SLC8A1: variants seen among roughly 807,000 people sequenced by gnomAD.
SLC8A1 encodes solute carrier family 8 member A1, also known as sodium/calcium exchanger 1.
SLC8A1 carries 18 observed loss-of-function variants against 68.3 expected under a neutral mutation model. The ratio of observed to expected loss-of-function variants is 0.26; its 90% CI spans 0.18 to 0.39. SLC8A1 has a LOEUF of 0.39. Among genes scored for constraint, SLC8A1 ranks in the 10% least tolerant of loss-of-function variants. SLC8A1 has a pLI of 1.00. For synonymous variants in SLC8A1, 475 were observed against 415.5 expected, an observed-to-expected ratio of 1.14 and a Z score of -1.74; for missense variants, 985 against 1,156.7, an observed-to-expected ratio of 0.85 and a Z score of 2.15.
At position 40,421,954 on chromosome 2, in the gene SLC8A1, T is replaced by G. The variant is rs186117610; in HGVS notation, c.1808+6519A>C. Among the ~76,000 whole-genome samples the G allele has an allele frequency of 2.6e-3, 395 of 152,266 alleles. 2 individuals are homozygous for G. Among genetic ancestry groups the G allele is most frequent in the Non-Finnish European group, 4.8e-3 (326 of 68,026 alleles). On this transcript the variant is annotated intron_variant, in intron 2 of 7. Coordinates refer to ENST00000406785, the Ensembl canonical transcript of SLC8A1. ...CCTCTAATGCTTCCCATATTGTTAATTGCTGCTTTCCCTCCCAGGGCCTTC... is the reference window on the plus strand; with the variant it reads ...CCTCTAATGCTTCCCATATTGTTAAGTGCTGCTTTCCCTCCCAGGGCCTTC...
At chr2:40,107,392 G>T (rs1265155222) in exon 8 of SLC8A1, 2 of 151,526 alleles carry the variant, frequency 1.3e-5, no homozygotes, top group African/African-American at 4.9e-5. Flanking sequence ...TAATTCCCCA[G>T]GGTTCGACCT....
intron 2 of SLC8A1, among the ~76,000 whole-genome samples, chr2:40,428,196 C>G (rs912829463): frequency 6.6e-6 from 1 of 151,994 alleles, no homozygotes; most frequent in African/African-American, 2.4e-5. Flanking sequence ...TCCCATCACT[C>G]ATTTTATCAT....
intron 2 of SLC8A1, among the ~76,000 whole-genome samples, chr2:40,378,048 C>G (rs1263236287): frequency 6.6e-6 from 1 of 152,046 alleles, no homozygotes; most frequent in Non-Finnish European, 1.5e-5. Flanking sequence ...TATTAATAAC[C>G]TGCTGTATGC....
chr2:40,287,582 A>ATGTGTG (rs10522914), intron 2 of SLC8A1, among the ~76,000 whole-genome samples: 4,770 of 127,506 alleles, frequency 0.037, 171 homozygotes, highest in South Asian at 0.061. Context: ...CAGAGGAATG[A>ATGTGTG]TGTGTGTGTG....
At chr2:40,199,009 T>C (rs1383175924) in intron 2 of SLC8A1, among the ~76,000 whole-genome samples, 1 of 151,740 alleles carries the variant, frequency 6.6e-6, no homozygotes, top group Non-Finnish European at 1.5e-5. Context: ...TGTAAGCTTC[T>C]TGATGGAAGG....
intron 1 of SLC8A1, among the ~76,000 whole-genome samples, chr2:40,508,976 T>G (rs1456958296): frequency 6.6e-6 from 1 of 152,090 alleles, no homozygotes; most frequent in African/African-American, 2.4e-5. Context: ...GCAATCAGAG[T>G]TGATAACCAC....
At chr2:40,175,674 C>A (rs1016818152) in intron 3 of SLC8A1, among the ~76,000 whole-genome samples, 1 of 152,096 alleles carries the variant, frequency 6.6e-6, no homozygotes, top group South Asian at 2.1e-4. Flanking sequence ...GAGGCTTCCT[C>A]ATTAAATATT....
At chr2:40,381,644 T>C (rs1681836082) in intron 2 of SLC8A1, among the ~76,000 whole-genome samples, 1 of 151,992 alleles carries the variant, frequency 6.6e-6, no homozygotes, top group Admixed American at 6.6e-5. Flanking sequence ...ATAGAACAGA[T>C]GTTTATGGTT....
At chr2:40,280,593 T>A (rs2067367013) in intron 2 of SLC8A1, among the ~76,000 whole-genome samples, 1 of 152,220 alleles carries the variant, frequency 6.6e-6, no homozygotes, top group Non-Finnish European at 1.5e-5. Flanking sequence ...CAGAGTGACA[T>A]TCAGGCACTG....
intron 2 of SLC8A1, among the ~76,000 whole-genome samples, chr2:40,284,050 T>C (rs932724820): frequency 2.0e-5 from 3 of 152,154 alleles, no homozygotes; most frequent in Admixed American, 6.5e-5. Context: ...TCTGCAAATA[T>C]AGCTCAGACC....
intron 2 of SLC8A1, among the ~76,000 whole-genome samples, chr2:40,341,689 C>G (rs1288996622): frequency 1.3e-5 from 2 of 152,126 alleles, no homozygotes; most frequent in Non-Finnish European, 2.9e-5. Context: ...CTTCTCAAGG[C>G]TGTTTTCAAG....
chr2:40,322,265 CT>C (rs1453242641), intron 2 of SLC8A1, among the ~76,000 whole-genome samples: 1 of 152,066 alleles, frequency 6.6e-6, no homozygotes, highest in South Asian at 2.1e-4. Context: ...ATTAACCTTT[CT>C]TTTTTTCATT....
chr2:40,229,786 A>T (rs540799621), intron 2 of SLC8A1, among the ~76,000 whole-genome samples: 2 of 152,152 alleles, frequency 1.3e-5, no homozygotes, highest in Admixed American at 6.6e-5. Flanking sequence ...GCCTTCCTGT[A>T]TTGTGTGCTT....
intron 2 of SLC8A1, among the ~76,000 whole-genome samples, chr2:40,370,890 A>G (rs1677807331): frequency 6.6e-6 from 1 of 152,094 alleles, no homozygotes. Context: ...AGTAAACCCC[A>G]AAGCTCATGA....
intron 2 of SLC8A1, among the ~76,000 whole-genome samples, chr2:40,376,046 C>A (rs1177984700): frequency 6.6e-6 from 1 of 152,018 alleles, no homozygotes; most frequent in Non-Finnish European, 1.5e-5. Context: ...TGTAGGTTGA[C>A]TTTTTCAACA....
At chr2:40,495,245 G>C (rs1705613447) in intron 1 of SLC8A1, among the ~76,000 whole-genome samples, 1 of 151,830 alleles carries the variant, frequency 6.6e-6, no homozygotes, top group Non-Finnish European at 1.5e-5. Context: ...TTTAGTGTCA[G>C]GGGATACATT....
intron 2 of SLC8A1, among the ~76,000 whole-genome samples, chr2:40,310,073 G>A (rs564195312): frequency 7.2e-4 from 109 of 152,250 alleles, no homozygotes; most frequent in South Asian, 2.3e-3. Flanking sequence ...CACCTTTTGT[G>A]TTTGGCTTCT....
At chr2:40,313,836 T>C (rs967998010) in intron 2 of SLC8A1, among the ~76,000 whole-genome samples, 2 of 152,130 alleles carry the variant, frequency 1.3e-5, no homozygotes, top group Non-Finnish European at 1.5e-5. Context: ...ATATTTTCTT[T>C]AGTGAAATAT....
At chr2:40,335,655 G>T (rs1310727332) in intron 2 of SLC8A1, among the ~76,000 whole-genome samples, 3 of 152,232 alleles carry the variant, frequency 2.0e-5, no homozygotes, top group Non-Finnish European at 2.9e-5. Flanking sequence ...AGAAATGGGT[G>T]TTTTCCATGG....
Sources: allele counts gnomAD v4.1 joint callset (sites outside exome capture counted in the v4.1 genomes callset), GRCh38; gene constraint gnomAD v4.1.1; transcripts MANE v1.5; gene names NCBI Gene and HGNC (gene_info 2026-07-23, HGNC 2026-07-21).